The following HDLBP variants were observed in gnomAD, a reference collection of about 807,000 sequenced individuals.
HDLBP encodes vigilin.
Under a neutral mutation model 137.3 loss-of-function variants are expected in HDLBP, and 30 were observed. The ratio of observed to expected loss-of-function variants is 0.22; its 90% confidence interval spans 0.16 to 0.30. The LOEUF (loss-of-function observed/expected upper bound fraction) is 0.30, where lower values mean the gene tolerates loss of function less well. HDLBP is among the 10% of genes least tolerant of loss of function. HDLBP has a pLI of 1.00. For synonymous variants in HDLBP, 606 were observed against 596.0 expected, an observed-to-expected ratio of 1.02 and a Z score of -0.24; for missense variants, 1,119 against 1,667.3, an observed-to-expected ratio of 0.67 and a Z score of 5.73.
intron 1 of HDLBP, among the ~76,000 whole-genome samples, chr2:241,309,421 CTTTT>C (rs780586674): frequency 2.6e-5 from 4 of 152,030 alleles, no homozygotes; most frequent in Non-Finnish European, 4.4e-5. Flanking sequence ...ACGATTTTTT[CTTTT>C]TTTAAGATAC....
intron 21 of HDLBP, chr2:241,236,380 C>T: frequency 3.6e-6 from 2 of 557,124 alleles, no homozygotes; most frequent in Non-Finnish European, 6.4e-6. Flanking sequence ...GGATCCCATG[C>T]AGCTGTCCCA....
chr2:241,253,927 C>G (rs1333201475), intron 9 of HDLBP, among the ~76,000 whole-genome samples: 2 of 152,146 alleles, frequency 1.3e-5, no homozygotes, highest in Non-Finnish European at 2.9e-5. Context: ...TGCCAGAGTT[C>G]CTGGTTTATT....
At chr2:241,303,941 T>G (rs894949245) in intron 1 of HDLBP, among the ~76,000 whole-genome samples, 4 of 152,180 alleles carry the variant, frequency 2.6e-5, no homozygotes, top group Non-Finnish European at 5.9e-5. Flanking sequence ...CCTGAGTAGC[T>G]GGGACCACAA....
intron 5 of HDLBP, among the ~76,000 whole-genome samples, chr2:241,260,217 G>A (rs2073043010): frequency 1.3e-5 from 2 of 151,986 alleles, no homozygotes; most frequent in African/African-American, 4.8e-5. Context: ...TACTGGCCAG[G>A]CTGGTCTCAA....
chr2:241,249,782 G>C, intron 12 of HDLBP, 59 bp downstream of exon 12: 1 of 1,512,146 alleles, frequency 6.6e-7, no homozygotes, highest in Non-Finnish European at 8.9e-7. Flanking sequence ...CTACTCCTTA[G>C]AGGGGGCCAA....
In HDLBP at chr2:241,270,392, G is replaced by T. The variant is rs79829684; in HGVS notation, c.-102-1851C>A. On this transcript the variant is annotated intron_variant, in intron 1 of 27. Transcript: ENST00000310931. ...ATTCCAAGTGGCAGTTTGTCAGAGCGTGTAACGAATGGTTCACAACTAGAG... is the reference window on the plus strand; with the variant it reads ...ATTCCAAGTGGCAGTTTGTCAGAGCTTGTAACGAATGGTTCACAACTAGAG... 0.012 allele frequency among the ~76,000 whole-genome samples: 1,825 copies of T among 152,326 alleles called. 126 individuals carry two copies. In the East Asian group the frequency reaches 0.17, roughly 14 times the overall value.
chr2:241,235,842 G>A (rs530008049), intron 21 of HDLBP, among the ~76,000 whole-genome samples: 4 of 152,160 alleles, frequency 2.6e-5, no homozygotes, highest in South Asian at 2.1e-4. Flanking sequence ...AATTACAGCA[G>A]CCCCTTCAGG....
Position 241,272,431 on chromosome 2 carries a change from G to A in HDLBP, c.-102-3890C>T. The A allele has an allele frequency of 1.0e-6, 1 of 984,588 alleles. No individual in the cohort carries two copies. The highest frequency in any genetic ancestry group is 4.7e-5 in the South Asian group (1 of 21,278). 61.0% of individuals were successfully genotyped at this position (984,588 alleles called of 1,614,324 possible). ...CAGGGGTGCCCCACCGAAGCCCCGG[G>A]AGGAGGCGGGGGAGCCCAGCTTGCA... On this transcript the variant is annotated intron_variant, in intron 1 of 27. Coordinates refer to ENST00000310931, the MANE Select transcript of HDLBP (RefSeq NM_005336.6). This position sits in a 1 kb window ranked among gnomAD's most constrained non-coding sequence, Gnocchi z 5.6.
At chr2:241,241,293 C>T (rs2071186169) in intron 17 of HDLBP, among the ~76,000 whole-genome samples, 1 of 152,134 alleles carries the variant, frequency 6.6e-6, no homozygotes, top group Admixed American at 6.5e-5. Flanking sequence ...GTGGGCCGGG[C>T]GCAGTGGCTC....
chr2:241,288,540 T>A (rs1036910355), intron 1 of HDLBP, among the ~76,000 whole-genome samples: 3 of 152,178 alleles, frequency 2.0e-5, no homozygotes, highest in African/African-American at 7.2e-5. Flanking sequence ...CTCCACTGGG[T>A]GATCATTTAA....
intron 7 of HDLBP, 111 bp downstream of exon 7, chr2:241,256,073 T>C (rs1367180069): frequency 1.1e-5 from 10 of 883,946 alleles, no homozygotes; most frequent in Admixed American, 2.1e-5. Context: ...ATAAGCATCT[T>C]CATCAAGGAC....
chr2:241,246,672 G>GT (rs1176218482), intron 16 of HDLBP, 80 bp downstream of exon 16: 4 of 1,422,608 alleles, frequency 2.8e-6, no homozygotes, highest in Non-Finnish European at 2.9e-6. Context: ...ATGACCCTGC[G>GT]TGACTCAACC....
At chr2:241,307,653 AT>A (rs2075626368) in intron 1 of HDLBP, among the ~76,000 whole-genome samples, 1 of 152,226 alleles carries the variant, frequency 6.6e-6, no homozygotes, top group African/African-American at 2.4e-5. Context: ...CAAAACTGTA[AT>A]TTTAATTATA....
intron 1 of HDLBP, among the ~76,000 whole-genome samples, chr2:241,288,321 G>A (rs2074901806): frequency 1.3e-5 from 2 of 152,160 alleles, no homozygotes; most frequent in African/African-American, 4.8e-5. Context: ...TGGAAACTGA[G>A]AACAAGATAC....
chr2:241,253,114 C>G (rs1284201549), intron 10 of HDLBP, 79 bp from the exon 11 acceptor site: 1 of 1,058,004 alleles, frequency 9.5e-7, no homozygotes, highest in Non-Finnish European at 1.5e-6. Context: ...GCAGTCTCCA[C>G]GGTTGCCTTT....
intron 5 of HDLBP, 121 bp from the exon 6 acceptor site, chr2:241,256,927 C>T: frequency 2.5e-6 from 2 of 804,512 alleles, no homozygotes; most frequent in Non-Finnish European, 4.0e-6. Context: ...AGCACCAACT[C>T]ATCCATTAAA....
At chr2:241,254,999 A>G in intron 9 of HDLBP, 52 bp downstream of exon 9, 1 of 1,357,684 alleles carries the variant, frequency 7.4e-7, no homozygotes. Context: ...CAGAAACAGA[A>G]AGACAGAAAA....
At chr2:241,236,419 G>A in intron 21 of HDLBP, 196 bp downstream of exon 21, 1 of 611,122 alleles carries the variant, frequency 1.6e-6, no homozygotes, top group South Asian at 2.0e-5. Flanking sequence ...CCGAGCCTTG[G>A]TGAAGGGAAG....
At chr2:241,300,518 A>G (rs1158739345) in intron 1 of HDLBP, among the ~76,000 whole-genome samples, 1 of 152,240 alleles carries the variant, frequency 6.6e-6, no homozygotes, top group Non-Finnish European at 1.5e-5. Context: ...GAAGACAAGC[A>G]TAAGTACATA....
Sources: gnomAD v4.1 joint callset for allele counts (sites outside exome capture counted in the v4.1 genomes callset) on GRCh38, gnomAD v4.1.1 for gene constraint, Gnocchi (gnomAD v3.1) non-coding constraint, MANE v1.5 for transcripts, NCBI Gene and HGNC (gene_info 2026-07-23, HGNC 2026-07-21) for gene names.